The following TMPRSS7 variants were observed in gnomAD, a reference collection of about 807,000 sequenced individuals.
TMPRSS7 encodes the protein transmembrane serine protease 7.
TMPRSS7 carries 81 observed loss-of-function variants against 95.6 expected under a neutral mutation model. The ratio of observed to expected loss-of-function variants is 0.85; its 90% CI spans 0.71 to 1.02. TMPRSS7 has a LOEUF of 1.02. TMPRSS7 is among the 50% of genes least tolerant of loss of function. The pLI is 0.00. For synonymous variants in TMPRSS7, 364 were observed against 337.8 expected, an observed-to-expected ratio of 1.08 and a Z score of -0.85; for missense variants, 945 against 955.2, an observed-to-expected ratio of 0.99 and a Z score of 0.14.
intron 4 of TMPRSS7, 137 bp downstream of exon 4, chr3:112,044,459 C>T (rs2073251613): frequency 2.8e-6 from 2 of 711,598 alleles, no homozygotes; most frequent in East Asian, 2.7e-5. Context: ...ATTAGCACAA[C>T]TAGCGACTCA....
In TMPRSS7 at chr3:112,066,426, C is replaced by CA. The variant is rs1318724431; in HGVS notation, c.1591dup (p.Arg531LysfsTer9). 5 of 1,613,946 alleles carry CA rather than the reference C, an allele frequency of 3.1e-6. No individual in the cohort carries two copies. Among genetic ancestry groups the CA allele is most frequent in the Non-Finnish European group, 3.4e-6 (4 of 1,179,970 alleles). On this transcript the variant is annotated frameshift_variant, in exon 13 of 18. Coordinates refer to ENST00000452346, the Ensembl canonical transcript of TMPRSS7. LOFTEE classifies it high-confidence loss of function. ...AACCTGCCTGCAATACCAGCTCCTT[C>CA]AGGCAGCATGGCCCTCTCATCTGTG...
chr3:112,072,926 T>C (rs931126452), intron 13 of TMPRSS7, among the ~76,000 whole-genome samples: 10 of 152,244 alleles, frequency 6.6e-5, no homozygotes, highest in Non-Finnish European at 1.0e-4. Flanking sequence ...TTTGGGTATA[T>C]ACCCAGTAAT....
intron 17 of TMPRSS7, among the ~76,000 whole-genome samples, chr3:112,079,474 T>C (rs2073752244): frequency 6.6e-6 from 1 of 152,214 alleles, no homozygotes; most frequent in African/African-American, 2.4e-5. Context: ...CCAGGACAGC[T>C]TTGAATGCAG....
At chr3:112,067,651 T>A (rs1468520319) in intron 13 of TMPRSS7, among the ~76,000 whole-genome samples, 1 of 152,254 alleles carries the variant, frequency 6.6e-6, no homozygotes, top group Non-Finnish European at 1.5e-5. Context: ...TCTGTTCATA[T>A]CCTTTGCCCA....
At position 112,035,104 on chromosome 3, in the gene TMPRSS7, G is replaced by T. The variant is rs76808232; in HGVS notation, c.48+211G>T. Among the ~76,000 whole-genome samples the T allele has an allele frequency of 5.1e-3, 768 of 151,874 alleles. 10 individuals carry two copies. Among genetic ancestry groups the T allele is most frequent in the African/African-American group, 0.018 (746 of 41,408 alleles). On this transcript the variant is annotated intron_variant, in intron 1 of 17. Transcript: ENST00000452346. ...TTGTAGCCGTTTTTCTAAAACTCCA[G>T]GGAAATTGTACTGATCTCTACACAA... is the stretch of plus-strand genomic sequence containing the variant.
At chr3:112,036,584 G>C (rs1220218227) in intron 1 of TMPRSS7, among the ~76,000 whole-genome samples, 4 of 151,704 alleles carry the variant, frequency 2.6e-5, no homozygotes, top group East Asian at 1.9e-4. Context: ...AAAAAAGGAG[G>C]GGGGAGGGGC....
intron 9 of TMPRSS7, among the ~76,000 whole-genome samples, chr3:112,052,245 C>G (rs898522427): frequency 5.3e-5 from 8 of 152,036 alleles, no homozygotes; most frequent in Admixed American, 1.3e-4. Flanking sequence ...GACAAGGGGA[C>G]ATTTGCGGAT....
intron 13 of TMPRSS7, among the ~76,000 whole-genome samples, chr3:112,066,826 T>G (rs1175421298): frequency 1.3e-5 from 2 of 152,186 alleles, no homozygotes; most frequent in Non-Finnish European, 2.9e-5. Context: ...AAACACTTTT[T>G]TTCTTTCTTT....
Position 112,074,284 on chromosome 3 carries a change from G to T in TMPRSS7, c.1667-12G>T. 1 of 1,588,802 alleles carries T rather than the reference G, an allele frequency of 6.3e-7. No homozygotes were observed. The highest frequency in any genetic ancestry group is 1.3e-5 in the African/African-American group (1 of 74,418). On this transcript the variant is annotated splice_polypyrimidine_tract_variant and intron_variant, in intron 13 of 17. Coordinates refer to ENST00000452346, the Ensembl canonical transcript of TMPRSS7. ...GCTAAGGAAAGCTGTTTCTTCTTTTGTCCATTGTTAGGTATTCCATGCAAC... is the reference window on the plus strand; with the variant it reads ...GCTAAGGAAAGCTGTTTCTTCTTTTTTCCATTGTTAGGTATTCCATGCAAC...
chr3:112,054,729 CTTTTTTTTTTTTTT>C (rs1161735611), intron 9 of TMPRSS7, among the ~76,000 whole-genome samples: 5 of 49,026 alleles, frequency 1.0e-4, no homozygotes, highest in Middle Eastern at 0.023. Context: ...TCTCAGTTTG[CTTTTTTTTTTTTTT>C]TTTTTTTTTT....
intron 8 of TMPRSS7, 133 bp from the exon 9 acceptor site, chr3:112,050,538 A>AAAAAAG (rs1422945872): frequency 2.6e-6 from 1 of 390,842 alleles, no homozygotes; most frequent in Non-Finnish European, 4.7e-6. Context: ...AAAAAAAAAA[A>AAAAAAG]CCCAAAGTTT....
rs73853280 is a variant in TMPRSS7 at position 112,043,325 on chromosome 3, G to T, written c.430-930G>T. Among the ~76,000 whole-genome samples, 793 of 152,156 alleles carry T rather than the reference G, an allele frequency of 5.2e-3. 5 individuals carry two copies. Among genetic ancestry groups the T allele is most frequent in the African/African-American group, 0.018 (756 of 41,506 alleles). ...GCTCAGCTCCATCATAATCTTATGG[G>T]ACTACTGTCATATATGTGGTCTGTC... On this transcript the variant is annotated intron_variant, in intron 3 of 17. Coordinates refer to ENST00000452346, the Ensembl canonical transcript of TMPRSS7.
intron 2 of TMPRSS7, among the ~76,000 whole-genome samples, chr3:112,038,965 TA>T (rs1331176555): frequency 3.9e-5 from 6 of 152,150 alleles, no homozygotes; most frequent in African/African-American, 1.4e-4. Flanking sequence ...TTTGTAGCTT[TA>T]AAAAAATTAA....
At chr3:112,037,062 G>C (rs546355726) in intron 1 of TMPRSS7, among the ~76,000 whole-genome samples, 1 of 152,092 alleles carries the variant, frequency 6.6e-6, no homozygotes, top group African/African-American at 2.4e-5. Flanking sequence ...CAAATTGTTC[G>C]TAAAGCATGT....
intron 3 of TMPRSS7, among the ~76,000 whole-genome samples, chr3:112,043,314 TA>T (rs1295063728): frequency 6.6e-6 from 1 of 152,196 alleles, no homozygotes; most frequent in Non-Finnish European, 1.5e-5. Context: ...AGCTCCATCA[TA>T]ATCTTATGGG....
chr3:112,036,871 C>G (rs547793462), intron 1 of TMPRSS7, among the ~76,000 whole-genome samples: 1 of 152,146 alleles, frequency 6.6e-6, no homozygotes, highest in Non-Finnish European at 1.5e-5. Flanking sequence ...ATTTCTTACG[C>G]CTGTCTTTAC....
chr3:112,044,744 A>G (rs981478203), intron 4 of TMPRSS7, among the ~76,000 whole-genome samples: 6 of 152,064 alleles, frequency 3.9e-5, no homozygotes, highest in African/African-American at 1.4e-4. Flanking sequence ...CATATATTAT[A>G]TCCCACCCCC....
At chr3:112,061,592 G>C (rs1274690028) in intron 10 of TMPRSS7, among the ~76,000 whole-genome samples, 195 bp from the exon 11 acceptor site, 2 of 152,220 alleles carry the variant, frequency 1.3e-5, no homozygotes, top group Non-Finnish European at 1.5e-5. Flanking sequence ...CCATTAAGCA[G>C]AGGAGAAAAT....
At chr3:112,047,121 A>G (rs547592708) in intron 6 of TMPRSS7, 109 bp downstream of exon 6, 1 of 667,560 alleles carries the variant, frequency 1.5e-6, no homozygotes, top group South Asian at 1.7e-5. Context: ...ATTGCAAGTG[A>G]CAGAAATGCA....
Sources: allele counts gnomAD v4.1 joint callset (sites outside exome capture counted in the v4.1 genomes callset), GRCh38; gene constraint gnomAD v4.1.1; transcripts MANE v1.5; gene names NCBI Gene and HGNC (gene_info 2026-07-23, HGNC 2026-07-21).